Variants in CADPS observed in about 807,000 individuals in gnomAD.
The protein encoded by CADPS is calcium-dependent secretion activator 1.
Under a neutral mutation model 167.3 loss-of-function variants are expected in CADPS, and 57 were observed. The observed-to-expected ratio is 0.34, with a 90% CI of 0.28 to 0.42. The LOEUF (loss-of-function observed/expected upper bound fraction) is 0.42, where lower values mean the gene tolerates loss of function less well. Ranked by LOEUF, CADPS falls within the 20% of genes least tolerant of loss-of-function variation. CADPS has a pLI of 1.00. For missense variants in CADPS, 1,414 were observed against 1,738.1 expected (o/e 0.81, Z 3.32); for synonymous variants, 676 against 635.3 (o/e 1.06, Z -0.96).
At chr3:62,519,512 C>T (rs1001677960) in intron 13 of CADPS, among the ~76,000 whole-genome samples, 1 of 152,138 alleles carries the variant, frequency 6.6e-6, no homozygotes, top group African/African-American at 2.4e-5. Context: ...CAGTAAAATC[C>T]TGTTCAGTCC....
intron 3 of CADPS, among the ~76,000 whole-genome samples, chr3:62,739,830 A>C (rs2079819431): frequency 6.6e-6 from 1 of 152,246 alleles, no homozygotes; most frequent in Non-Finnish European, 1.5e-5. Flanking sequence ...AGACAAAGGA[A>C]GAGATTTCCG....
chr3:62,551,532 G>C (rs745640918), intron 10 of CADPS, among the ~76,000 whole-genome samples: 2 of 152,164 alleles, frequency 1.3e-5, no homozygotes, highest in Non-Finnish European at 2.9e-5. Context: ...TAGCACTAGA[G>C]TCAGGTCCTG....
intron 24 of CADPS, among the ~76,000 whole-genome samples, chr3:62,473,377 A>C (rs971324059): frequency 6.6e-6 from 1 of 152,242 alleles, no homozygotes; most frequent in Non-Finnish European, 1.5e-5. Context: ...TAATTTAGTA[A>C]AAATTCTGAA....
chr3:62,825,676 C>T (rs1428578943), intron 1 of CADPS, among the ~76,000 whole-genome samples: 1 of 152,210 alleles, frequency 6.6e-6, no homozygotes, highest in Non-Finnish European at 1.5e-5. Flanking sequence ...GTTCCGGCTT[C>T]TAGCCTTAAG....
rs751240514 is a variant in CADPS, at chr3:62,438,240, G to T, written c.3670-29C>A. Reference sequence around the variant, plus strand: ...TAAAGAAACAGGAAAACATGAAAACGAATTTTCAGACAGCCACTCTTCCTT... The same window carrying T: ...TAAAGAAACAGGAAAACATGAAAACTAATTTTCAGACAGCCACTCTTCCTT... On this transcript the variant is annotated intron_variant, in intron 27 of 29. Transcript: ENST00000383710. This position sits in a 1 kb window ranked among gnomAD's most constrained non-coding sequence, Gnocchi z 4.7. 1 of 1,521,954 alleles carries T rather than the reference G, an allele frequency of 6.6e-7. No individual in the cohort carries two copies. The highest frequency in any genetic ancestry group is 9.1e-7 in the Non-Finnish European group (1 of 1,096,424). The allele number at this position is 1,521,954 out of a possible 1,614,324, so 94.3% of individuals were successfully genotyped here.
intron 1 of CADPS, among the ~76,000 whole-genome samples, chr3:62,794,519 C>G (rs1262548597): frequency 6.6e-6 from 1 of 152,108 alleles, no homozygotes; most frequent in African/African-American, 2.4e-5. Flanking sequence ...GGAGGCCAGA[C>G]TCCAGAGCCC....
At chr3:62,867,676 T>A (rs750575449) in intron 1 of CADPS, among the ~76,000 whole-genome samples, 1 of 152,076 alleles carries the variant, frequency 6.6e-6, no homozygotes, top group Non-Finnish European at 1.5e-5. Context: ...ATATAAGGCT[T>A]GTGATGGCTA....
intron 12 of CADPS, 43 bp from the exon 13 acceptor site, chr3:62,533,101 TG>T (rs769944182): frequency 6.4e-7 from 1 of 1,567,770 alleles, no homozygotes; most frequent in Non-Finnish European, 8.8e-7. Context: ...AAATACAGGT[TG>T]TTTTCTGGAG....
chr3:62,685,234 T>C (rs1473843151), intron 3 of CADPS, among the ~76,000 whole-genome samples: 1 of 151,914 alleles, frequency 6.6e-6, no homozygotes, highest in African/African-American at 2.4e-5. Flanking sequence ...TAAGGAAACT[T>C]ACTGAAATTG....
At chr3:62,589,327 C>T (rs1411472806) in intron 7 of CADPS, among the ~76,000 whole-genome samples, 1 of 152,204 alleles carries the variant, frequency 6.6e-6, no homozygotes, top group African/African-American at 2.4e-5. Flanking sequence ...GGCAGGCCAG[C>T]TCCGCTGCAA....
chr3:62,479,095 G>A (rs1215470204), intron 22 of CADPS, among the ~76,000 whole-genome samples: 1 of 152,174 alleles, frequency 6.6e-6, no homozygotes, highest in South Asian at 2.1e-4. Flanking sequence ...TCGAGACAGT[G>A]GAAGTTAGTG....
In CADPS at chr3:62,753,474, C is replaced by T. The variant is rs189008412; in HGVS notation, c.855G>A (p.Lys285=). 2.5e-6 allele frequency: 4 copies of T among 1,613,392 alleles called. No individual in the cohort carries two copies. The East Asian group carries it at 8.9e-5, about 36-fold the overall frequency. ...EMFQNILGIK[K]FEHQLLYNAC... Reference sequence around the variant, plus strand: ...CATTGTAAAGGAGCTGATGTTCGAACTTCTTGATCCCAAGAATGTTCTGGA... The same window carrying T: ...CATTGTAAAGGAGCTGATGTTCGAATTTCTTGATCCCAAGAATGTTCTGGA... Residue 285 remains lysine, a synonymous_variant, in exon 3 of 30, where the codon AAG becomes AAA. Transcript: ENST00000383710. The surrounding 1 kb of genome is among the most constrained non-coding windows in gnomAD (Gnocchi z 4.6).
chr3:62,869,835 A>G (rs942648519), intron 1 of CADPS, among the ~76,000 whole-genome samples: 2 of 152,136 alleles, frequency 1.3e-5, no homozygotes, highest in African/African-American at 4.8e-5. Context: ...CTTAAGTTTT[A>G]TAGACACCTG....
chr3:62,563,976 A>G (rs1330311602), intron 9 of CADPS, among the ~76,000 whole-genome samples: 1 of 152,120 alleles, frequency 6.6e-6, no homozygotes, highest in African/African-American at 2.4e-5. Context: ...GAGTTATTGA[A>G]GGCACTTGCA....
In CADPS at chr3:62,536,487, G is replaced by A. The variant is rs1383590843; in HGVS notation, c.2061C>T (p.Arg687=). ...CATTAAGTCTGTGATCCAAAGTAAG[G>A]CGTTGTACCATCTCAAAGAGGGAAG... ...DHASLFEMVQ[R]LTLDHRLNDS... Residue 687 remains arginine (R), a synonymous_variant, in exon 12 of 30, where the codon CGC becomes CGT. Transcript: ENST00000383710. 6.2e-7 allele frequency: 1 copy of A among 1,613,198 alleles called. No individual in the cohort carries two copies. Among genetic ancestry groups the A allele is most frequent in the Non-Finnish European group, 8.5e-7 (1 of 1,179,412 alleles).
At chr3:62,821,122 T>G (rs2094895577) in intron 1 of CADPS, among the ~76,000 whole-genome samples, 1 of 152,106 alleles carries the variant, frequency 6.6e-6, no homozygotes. Context: ...TAAACATCCC[T>G]CTTGGAAAAC....
At chr3:62,688,634 T>C (rs1439215939) in intron 3 of CADPS, among the ~76,000 whole-genome samples, 4 of 152,140 alleles carry the variant, frequency 2.6e-5, no homozygotes, top group Non-Finnish European at 4.4e-5. Flanking sequence ...CATTTTATTC[T>C]TGCTCTTGCC....
chr3:62,630,005 A>T (rs1292687338), intron 6 of CADPS, among the ~76,000 whole-genome samples: 3 of 151,854 alleles, frequency 2.0e-5, no homozygotes, highest in Non-Finnish European at 2.9e-5. Flanking sequence ...ACTCTGTTTA[A>T]TTTTTTTCAT....
intron 13 of CADPS, among the ~76,000 whole-genome samples, chr3:62,530,119 A>G (rs941604657): frequency 2.6e-5 from 4 of 152,212 alleles, no homozygotes; most frequent in Admixed American, 6.5e-5. Flanking sequence ...ACTAAGAAGC[A>G]TTAATTTGGT....
Sources: gnomAD v4.1 joint callset for allele counts (sites outside exome capture counted in the v4.1 genomes callset) on GRCh38, gnomAD v4.1.1 for gene constraint, Gnocchi (gnomAD v3.1) non-coding constraint, MANE v1.5 for transcripts, NCBI Gene and HGNC (gene_info 2026-07-23, HGNC 2026-07-21) for gene names.